The following KRTAP10-4 variants were observed in gnomAD, a reference collection of about 807,000 sequenced individuals.
KRTAP10-4 encodes the protein keratin associated protein 10-4, also known as keratin-associated protein 10-4.
For synonymous variants in KRTAP10-4, 147 were observed against 213.7 expected (o/e 0.69, Z 2.72); for missense variants, 374 against 507.6 (o/e 0.74, Z 2.53).
At position 44,574,611 on chromosome 21, in the gene KRTAP10-4, T is replaced by C; in HGVS notation, c.853T>C (p.Cys285Arg). ...CCKPVCCKPV[C>R]SVPICSGASS... is the part of the protein sequence containing the mutation. ...CAAGCCTGTGTGCTGCAAGCCTGTC[T>C]GCTCTGTGCCCATCTGCTCTGGGGC... is the stretch of plus-strand genomic sequence containing the variant. The change falls in exon 1 of 1, where the codon TGC (cysteine) becomes CGC (arginine). Residue 285 changes from cysteine (C) to arginine (R), a missense_variant. Coordinates refer to ENST00000400374, the MANE Select transcript of KRTAP10-4 (RefSeq NM_198687.2). 6.2e-7 allele frequency: 1 copy of C among 1,610,504 alleles called. No individual in the cohort carries two copies. The highest frequency in any genetic ancestry group is 8.5e-7 in the Non-Finnish European group (1 of 1,178,566).
Position 44,574,372 on chromosome 21 carries a change from C to G in KRTAP10-4, c.614C>G (p.Thr205Arg). Reference protein sequence around the residue: ...PCQSGCISSCTPSCCQQSSCQ... With the variant: ...PCQSGCISSCRPSCCQQSSCQ... ...CAATCAGGCTGCATCAGCTCCTGCACGCCCTCGTGCTGCCAGCAGTCTAGC... is the reference window on the plus strand; with the variant it reads ...CAATCAGGCTGCATCAGCTCCTGCAGGCCCTCGTGCTGCCAGCAGTCTAGC... Residue 205 changes from threonine to arginine, a missense_variant, in exon 1 of 1, where the codon ACG (threonine) becomes AGG (arginine). By Grantham distance (71) the Thr-to-Arg change is moderately conservative. Coordinates refer to ENST00000400374, the MANE Select transcript of KRTAP10-4 (RefSeq NM_198687.2). 6.2e-7 allele frequency: 1 copy of G among 1,608,904 alleles called. No individual in the cohort carries two copies. The highest frequency in any genetic ancestry group is 8.5e-7 in the Non-Finnish European group (1 of 1,178,418).
rs1555923137 is a variant in KRTAP10-4, at chr21:44,573,928, G to T, written c.170G>T (p.Cys57Phe). 2.5e-6 allele frequency: 4 copies of T among 1,612,628 alleles called. No individual in the cohort carries two copies. In the Admixed American group the frequency reaches 6.7e-5, roughly 27 times the overall value. Residue 57 changes from cysteine (C) to phenylalanine (F), a missense_variant, in exon 1 of 1, where the codon TGC (cysteine) becomes TTC (phenylalanine). Physicochemically the swap from Cys to Phe is radical, Grantham distance 205. Transcript: ENST00000400374. ...CCGGCCCCCTGCCTGAGCCTGGTCTGCACCCCAGTGAGCCGTGTGTCCAGC... is the reference window on the plus strand; with the variant it reads ...CCGGCCCCCTGCCTGAGCCTGGTCTTCACCCCAGTGAGCCGTGTGTCCAGC... ...CAPAPCLSLV[C>F]TPVSRVSSPC...
Position 44,575,188 on chromosome 21 carries a change from G to C in KRTAP10-4, c.*224G>C, listed in dbSNP as rs1601435235. 2 of 750,136 alleles carry C rather than the reference G, an allele frequency of 2.7e-6. No individual in the cohort carries two copies. The highest frequency in any genetic ancestry group is 5.4e-5 in the East Asian group (2 of 36,810). 46.5% of individuals were successfully genotyped at this position (750,136 alleles called of 1,614,324 possible). On this transcript the variant is annotated 3_prime_UTR_variant, in exon 1 of 1. Coordinates refer to ENST00000400374, the MANE Select transcript of KRTAP10-4 (RefSeq NM_198687.2). Reference sequence around the variant, plus strand: ...ACTCAATGCTGCAGCCCTCTTGCGGGGGGAGGGGGGCGCTTCTAGAAAGTT... The same window carrying C: ...ACTCAATGCTGCAGCCCTCTTGCGGCGGGAGGGGGGCGCTTCTAGAAAGTT...
At position 44,575,010 on chromosome 21, in the gene KRTAP10-4, C is replaced by T; in HGVS notation, c.*46C>T. 6.2e-7 allele frequency: 1 copy of T among 1,600,256 alleles called. No homozygotes were observed. Among genetic ancestry groups the T allele is most frequent in the Non-Finnish European group, 8.5e-7 (1 of 1,172,682 alleles). Reference sequence around the variant, plus strand: ...AGCCTGCTGAGGCCTCCGCTCAGGTCAGAAGCCCAGCTGCTGATGGACACG... The same window carrying T: ...AGCCTGCTGAGGCCTCCGCTCAGGTTAGAAGCCCAGCTGCTGATGGACACG... On this transcript the variant is annotated 3_prime_UTR_variant, in exon 1 of 1. Transcript: ENST00000400374.
rs1555923567 is a variant in KRTAP10-4, at chr21:44,574,777, G to T, written c.1019G>T (p.Cys340Phe). ...PVCSGASSSC[C>F]QQSSCQPACC... Reference sequence around the variant, plus strand: ...TGCTCTGGGGCTTCCTCTTCATGCTGCCAGCAATCTAGCTGCCAGCCAGCT... The same window carrying T: ...TGCTCTGGGGCTTCCTCTTCATGCTTCCAGCAATCTAGCTGCCAGCCAGCT... The change falls in exon 1 of 1, where the codon TGC (cysteine) becomes TTC (phenylalanine). Residue 340 changes from cysteine (C) to phenylalanine (F), a missense_variant. Transcript: ENST00000400374. 1 of 1,614,008 alleles carries T rather than the reference G, an allele frequency of 6.2e-7. No homozygotes were observed. The highest frequency in any genetic ancestry group is 8.5e-7 in the Non-Finnish European group (1 of 1,180,002).
rs587620759 is a variant in KRTAP10-4, at chr21:44,575,001, C to T, written c.*37C>T. ...CTCCCGCCCAGCCTGCTGAGGCCTC[C>T]GCTCAGGTCAGAAGCCCAGCTGCTG... On this transcript the variant is annotated 3_prime_UTR_variant, in exon 1 of 1. Coordinates refer to ENST00000400374, the MANE Select transcript of KRTAP10-4 (RefSeq NM_198687.2). The T allele has an allele frequency of 2.8e-5, 45 of 1,606,524 alleles. No individual in the cohort carries two copies. Among genetic ancestry groups the T allele is most frequent in the Admixed American group, 1.7e-4 (10 of 59,770 alleles).
Position 44,574,553 on chromosome 21 carries a change from C to T in KRTAP10-4, c.795C>T (p.Pro265=). ...AGCCGGCTTGCTGCACCTCCTCTCC[C>T]TGCCAGCAGGCTTGCTGTGTGCCTG... is the stretch of plus-strand genomic sequence containing the variant. ...SCQPACCTSS[P]CQQACCVPVC... Residue 265 remains proline (P), a synonymous_variant, in exon 1 of 1, where the codon CCC becomes CCT. Coordinates refer to ENST00000400374, the MANE Select transcript of KRTAP10-4 (RefSeq NM_198687.2). 1 of 1,609,452 alleles carries T rather than the reference C, an allele frequency of 6.2e-7. No individual in the cohort carries two copies. Among genetic ancestry groups the T allele is most frequent in the Non-Finnish European group, 8.5e-7 (1 of 1,179,292 alleles).
Position 44,574,862 on chromosome 21 carries a change from G to C in KRTAP10-4, c.1104G>C (p.Val368=), listed in dbSNP as rs1555923612. ...CCGTGTCCCTCCTCTGCCGCCCCGT[G>C]TGCAGGCCCGCCTGCTGCGTGCCCG... is the stretch of plus-strand genomic sequence containing the variant. ...SSSVSLLCRP[V]CRPACCVPVP... is the part of the protein sequence containing the mutation. Residue 368 remains valine, a synonymous_variant, in exon 1 of 1, where the codon GTG becomes GTC. Coordinates refer to ENST00000400374, the MANE Select transcript of KRTAP10-4 (RefSeq NM_198687.2). 3.1e-6 allele frequency: 5 copies of C among 1,612,370 alleles called. No individual in the cohort carries two copies. The highest frequency in any genetic ancestry group is 3.4e-6 in the Non-Finnish European group (4 of 1,179,710).
Position 44,575,211 on chromosome 21 carries a change from G to T in KRTAP10-4, c.*247G>T. ...GGGGGGAGGGGGGCGCTTCTAGAAA[G>T]TTCCCATGGCAGTGGCCTCCCCTCC... On this transcript the variant is annotated 3_prime_UTR_variant, in exon 1 of 1. Transcript: ENST00000400374. 1 of 655,752 alleles carries T rather than the reference G, an allele frequency of 1.5e-6. No homozygotes were observed. Among genetic ancestry groups the T allele is most frequent in the Non-Finnish European group, 2.6e-6 (1 of 378,704 alleles). 40.6% of individuals were successfully genotyped at this position (655,752 alleles called of 1,614,324 possible). A position where few individuals can be genotyped will look rare whatever the true frequency, so the allele number is the denominator to read the frequency against.
chr21:44,574,360 T>A lies in KRTAP10-4; in HGVS notation c.602T>A (p.Ile201Asn). The A allele has an allele frequency of 2.0e-6, 3 of 1,488,880 alleles. No individual in the cohort carries two copies. The highest frequency in any genetic ancestry group is 2.7e-6 in the Non-Finnish European group (3 of 1,111,726). The allele number at this position is 1,488,880 out of a possible 1,614,324, so 92.2% of individuals were successfully genotyped here. Residue 201 changes from isoleucine to asparagine, a missense_variant, in exon 1 of 1, where the codon ATC becomes AAC. Physicochemically the swap from Ile to Asn is moderately radical, Grantham distance 149. Transcript: ENST00000400374. ...CCCAGCCCCTGCCAATCAGGCTGCATCAGCTCCTGCACGCCCTCGTGCTGC... is the reference window on the plus strand; with the variant it reads ...CCCAGCCCCTGCCAATCAGGCTGCAACAGCTCCTGCACGCCCTCGTGCTGC... ...CEPSPCQSGC[I>N]SSCTPSCCQQ...
At position 44,574,982 on chromosome 21, in the gene KRTAP10-4, C is replaced by A. The variant is rs782125766; in HGVS notation, c.*18C>A. ...TCCTCTGACGCCCCGTGTGCTCCCG[C>A]CCAGCCTGCTGAGGCCTCCGCTCAG... On this transcript the variant is annotated 3_prime_UTR_variant, in exon 1 of 1. Coordinates refer to ENST00000400374, the MANE Select transcript of KRTAP10-4 (RefSeq NM_198687.2). 67 of 1,611,498 alleles carry A rather than the reference C, an allele frequency of 4.2e-5. No individual in the cohort carries two copies. The highest frequency in any genetic ancestry group is 5.7e-5 in the Non-Finnish European group (67 of 1,178,732).
rs782372151 is a variant in KRTAP10-4, at chr21:44,574,881, G to A, written c.1123G>A (p.Val375Met). Residue 375 changes from valine to methionine, a missense_variant, in exon 1 of 1, where the codon GTG becomes ATG. Coordinates refer to ENST00000400374, the MANE Select transcript of KRTAP10-4 (RefSeq NM_198687.2). ...CRPVCRPACC[V>M]PVPSCCAPTS... ...CCCCGTGTGCAGGCCCGCCTGCTGCGTGCCCGTCCCTTCCTGCTGTGCTCC... is the reference window on the plus strand; with the variant it reads ...CCCCGTGTGCAGGCCCGCCTGCTGCATGCCCGTCCCTTCCTGCTGTGCTCC... 3.4e-5 allele frequency: 54 copies of A among 1,611,760 alleles called. No individual in the cohort carries two copies. Among genetic ancestry groups the A allele is most frequent in the South Asian group, 8.8e-5 (8 of 90,926 alleles).
chr21:44,574,941 G>T lies in KRTAP10-4; in HGVS notation c.1183G>T (p.Ala395Ser), dbSNP rs1555923667. 1 of 1,604,784 alleles carries T rather than the reference G, an allele frequency of 6.2e-7. No homozygotes were observed. The highest frequency in any genetic ancestry group is 1.7e-4 in the Middle Eastern group (1 of 5,970). ...SSCQPSCCRP[A>S]SCVSLL ...CTGCCAACCCAGCTGCTGCCGCCCA[G>T]CCTCCTGCGTGTCCCTCCTCTGACG... Residue 395 changes from alanine to serine, a missense_variant, in exon 1 of 1, where the codon GCC (alanine) becomes TCC (serine). Physicochemically the swap from Ala to Ser is moderately conservative, Grantham distance 99 (BLOSUM62 1). Coordinates refer to ENST00000400374, the MANE Select transcript of KRTAP10-4 (RefSeq NM_198687.2).
At position 44,574,140 on chromosome 21, in the gene KRTAP10-4, G is replaced by A. The variant is rs200808601; in HGVS notation, c.382G>A (p.Val128Ile). The A allele has an allele frequency of 2.0e-4, 319 of 1,594,236 alleles. No homozygotes were observed. In the African/African-American group the frequency reaches 3.2e-3, roughly 16 times the overall value. The change falls in exon 1 of 1, where the codon GTC becomes ATC. Residue 128 changes from valine to isoleucine, a missense_variant. Physicochemically the swap from Val to Ile is conservative, Grantham distance 29. Transcript: ENST00000400374. ...CTGCAAGCCTGTGTGCTGTGTGCCC[G>A]TCTGCTGTGGGGATTCTTCATGCTG... Reference protein sequence around the residue: ...VCCKPVCCVPVCCGDSSCCQQ... With the variant: ...VCCKPVCCVPICCGDSSCCQQ...
chr21:44,573,739 C>T lies in KRTAP10-4; in HGVS notation c.-20C>T, dbSNP rs782550283. 8 of 1,607,430 alleles carry T rather than the reference C, an allele frequency of 5.0e-6. No individual in the cohort carries two copies. Among genetic ancestry groups the T allele is most frequent in the South Asian group, 1.1e-5 (1 of 89,776 alleles). ...CCTCCCATCTCCCCCAGCTCAACCC[C>T]CAGCACAGCAGCATCCACCATGTCC... is the stretch of plus-strand genomic sequence containing the variant. On this transcript the variant is annotated 5_prime_UTR_variant, in exon 1 of 1. Transcript: ENST00000400374.
In KRTAP10-4 at chr21:44,575,092, A is replaced by G. The variant is rs1311984975; in HGVS notation, c.*128A>G. Reference sequence around the variant, plus strand: ...CTGAAAGCTGATAGTCGCGTCCTGAATTGCTCCTGCACTTTGACCATTTCC... The same window carrying G: ...CTGAAAGCTGATAGTCGCGTCCTGAGTTGCTCCTGCACTTTGACCATTTCC... On this transcript the variant is annotated 3_prime_UTR_variant, in exon 1 of 1. Transcript: ENST00000400374. 1 of 1,362,408 alleles carries G rather than the reference A, an allele frequency of 7.3e-7. No individual in the cohort carries two copies. The highest frequency in any genetic ancestry group is 1.0e-6 in the Non-Finnish European group (1 of 994,752). 84.4% of individuals were successfully genotyped at this position (1,362,408 alleles called of 1,614,324 possible).
In KRTAP10-4 at chr21:44,574,604, G is replaced by A. The variant is rs1357140662; in HGVS notation, c.846G>A (p.Lys282=). 5 of 1,298,432 alleles carry A rather than the reference G, an allele frequency of 3.9e-6. No homozygotes were observed. The highest frequency in any genetic ancestry group is 5.1e-6 in the Non-Finnish European group (5 of 974,194). The allele number at this position is 1,298,432 out of a possible 1,614,324, so 80.4% of individuals were successfully genotyped here. Residue 282 remains lysine (K), a synonymous_variant, in exon 1 of 1, where the codon AAG becomes AAA. Transcript: ENST00000400374. ...TCTGCTGCAAGCCTGTGTGCTGCAA[G>A]CCTGTCTGCTCTGTGCCCATCTGCT... ...VPVCCKPVCC[K]PVCSVPICSG...
In KRTAP10-4 at chr21:44,574,619, G is replaced by A. The variant is rs369383038; in HGVS notation, c.861G>A (p.Val287=). 3.9e-6 allele frequency: 5 copies of A among 1,295,816 alleles called. No homozygotes were observed. Among genetic ancestry groups the A allele is most frequent in the African/African-American group, 1.5e-5 (1 of 64,966 alleles). The allele number at this position is 1,295,816 out of a possible 1,614,324, so 80.3% of individuals were successfully genotyped here. Residue 287 remains valine, a synonymous_variant, in exon 1 of 1, where the codon GTG becomes GTA. Transcript: ENST00000400374. ...KPVCCKPVCS[V]PICSGASSLC... The stretch of plus-strand genomic sequence containing the variant: ...TGTGCTGCAAGCCTGTCTGCTCTGT[G>A]CCCATCTGCTCTGGGGCTTCCTCTC...
rs782569341 is a variant in KRTAP10-4 at position 44,574,070 on chromosome 21, C to T, written c.312C>T (p.Pro104=). The stretch of plus-strand genomic sequence containing the variant: ...AGCTGGCTTGCTGTGCCTCCTCCCC[C>T]TGCCAGCAGGCCTGCTGCGTGCCCG... ...SCQLACCASS[P]CQQACCVPVC... is the part of the protein sequence containing the mutation. The change falls in exon 1 of 1, where the codon CCC becomes CCT. Residue 104 remains proline, a synonymous_variant. Coordinates refer to ENST00000400374, the MANE Select transcript of KRTAP10-4 (RefSeq NM_198687.2). The T allele has an allele frequency of 1.2e-6, 2 of 1,613,400 alleles. No homozygotes were observed. The highest frequency in any genetic ancestry group is 1.7e-6 in the Non-Finnish European group (2 of 1,179,832).
Sources: gnomAD v4.1 joint callset for allele counts on GRCh38, gnomAD v4.1.1 for gene constraint, MANE v1.5 for transcripts, NCBI Gene and HGNC (gene_info 2026-07-23, HGNC 2026-07-21) for gene names.